Variants in PTK7 observed in about 807,000 individuals in gnomAD.
The protein encoded by PTK7 is inactive tyrosine-protein kinase 7.
Under a neutral mutation model 116.6 loss-of-function variants are expected in PTK7, and 39 were observed. The observed-to-expected ratio is 0.33, with a 90% CI of 0.26 to 0.44. PTK7 has a LOEUF of 0.44. Among genes scored for constraint, PTK7 ranks in the 20% least tolerant of loss-of-function variants. PTK7 has a pLI of 1.00. For synonymous variants in PTK7, 546 were observed against 563.6 expected (o/e 0.97, Z 0.44); for missense variants, 1,169 against 1,425.6 (o/e 0.82, Z 2.90).
intron 1 of PTK7, among the ~76,000 whole-genome samples, chr6:43,085,953 A>AAAAT (rs1554146538): frequency 6.8e-6 from 1 of 147,854 alleles, no homozygotes; most frequent in Non-Finnish European, 1.5e-5. Flanking sequence ...AAAAAAAAAA[A>AAAAT]ACATGGCTTC....
At chr6:43,081,268 G>A (rs1228845771) in intron 1 of PTK7, among the ~76,000 whole-genome samples, 1 of 152,200 alleles carries the variant, frequency 6.6e-6, no homozygotes, top group East Asian at 1.9e-4. Context: ...CTTCTGGACT[G>A]TCATTCTTGC....
chr6:43,076,940 G>A lies in PTK7; in HGVS notation c.79+373G>A. 3 of 1,515,478 alleles carry A rather than the reference G, an allele frequency of 2.0e-6. No homozygotes were observed. Among genetic ancestry groups the A allele is most frequent in the East Asian group, 5.0e-5 (2 of 39,916 alleles). 93.9% of individuals were successfully genotyped at this position (1,515,478 alleles called of 1,614,324 possible). On this transcript the variant is annotated intron_variant, in intron 1 of 19. Coordinates refer to ENST00000230419, the MANE Select transcript of PTK7 (RefSeq NM_002821.5). This position sits in a 1 kb window ranked among gnomAD's most constrained non-coding sequence, Gnocchi z 5.7. Reference sequence around the variant, plus strand: ...CATCCGCACCCACCGTGGGGAGCGCGATGGAGAAAAAGGAATTCCCCACCC... The same window carrying A: ...CATCCGCACCCACCGTGGGGAGCGCAATGGAGAAAAAGGAATTCCCCACCC...
rs1346931721 is a variant in PTK7, at chr6:43,132,889, A to C, written c.1228+202A>C. On this transcript the variant is annotated intron_variant, in intron 7 of 19. Coordinates refer to ENST00000230419, the MANE Select transcript of PTK7 (RefSeq NM_002821.5). Reference sequence around the variant, plus strand: ...TTAGGGTGGGTGCTCCAGAGGAAATAGTGACAGCCCTCACAGAAAAATGGT... The same window carrying C: ...TTAGGGTGGGTGCTCCAGAGGAAATCGTGACAGCCCTCACAGAAAAATGGT... 7 of 700,840 alleles carry C rather than the reference A, an allele frequency of 1.0e-5. No homozygotes were observed. In the African/African-American group the frequency reaches 1.2e-4, roughly 12 times the overall value. 43.4% of individuals were successfully genotyped at this position (700,840 alleles called of 1,614,324 possible). A position where few individuals can be genotyped will look rare whatever the true frequency, so the allele number is the denominator to read the frequency against.
chr6:43,117,113 C>G (rs1378886301), intron 1 of PTK7, among the ~76,000 whole-genome samples: 2 of 152,102 alleles, frequency 1.3e-5, no homozygotes, highest in African/African-American at 4.8e-5. Context: ...CAGGCGTGAG[C>G]CACCATGCCC....
chr6:43,129,897 C>T lies in PTK7; in HGVS notation c.470+68C>T, dbSNP rs967360003. On this transcript the variant is annotated intron_variant, in intron 3 of 19. Transcript: ENST00000230419. The surrounding 1 kb of genome is among the most constrained non-coding windows in gnomAD (Gnocchi z 4.5). ...CAGGGATGTCTCCCCAAATCTTGGACTCTATGCGGATGTTACCTCGCTCCA... is the reference window on the plus strand; with the variant it reads ...CAGGGATGTCTCCCCAAATCTTGGATTCTATGCGGATGTTACCTCGCTCCA... 7 of 1,454,848 alleles carry T rather than the reference C, an allele frequency of 4.8e-6. No individual in the cohort carries two copies. Among genetic ancestry groups the T allele is most frequent in the Non-Finnish European group, 5.8e-6 (6 of 1,041,948 alleles). 90.1% of individuals were successfully genotyped at this position (1,454,848 alleles called of 1,614,324 possible).
At chr6:43,110,266 A>C (rs971140050) in intron 1 of PTK7, among the ~76,000 whole-genome samples, 5 of 152,046 alleles carry the variant, frequency 3.3e-5, no homozygotes, top group African/African-American at 1.2e-4. Flanking sequence ...CTGGGATTAC[A>C]GGTGTAAGCC....
chr6:43,116,660 A>ACGCG (rs1276368902), intron 1 of PTK7, among the ~76,000 whole-genome samples: 4 of 111,164 alleles, frequency 3.6e-5, no homozygotes, highest in African/African-American at 1.3e-4. Flanking sequence ...GTGCGCGCGC[A>ACGCG]CGCACGCACG....
At position 43,130,307 on chromosome 6, in the gene PTK7, G is replaced by A. The variant is rs557347649; in HGVS notation, c.548G>A (p.Arg183Gln). 5.9e-5 allele frequency: 95 copies of A among 1,612,164 alleles called. No individual in the cohort carries two copies. Among genetic ancestry groups the A allele is most frequent in the Middle Eastern group, 1.6e-4 (1 of 6,080 alleles). ...QSNHTVSSKERNLTLRPAGPE... is the reference protein window; with the variant it reads ...QSNHTVSSKEQNLTLRPAGPE... Reference sequence around the variant, plus strand: ...AACCACACAGTCAGCAGCAAGGAGCGGAACCTGACGCTCCGGCCAGCTGGT... The same window carrying A: ...AACCACACAGTCAGCAGCAAGGAGCAGAACCTGACGCTCCGGCCAGCTGGT... Residue 183 changes from arginine to glutamine, a missense_variant, in exon 4 of 20, where the codon CGG (arginine) becomes CAG (glutamine). Arg to Gln is a conservative substitution (Grantham distance 43, BLOSUM62 1). Transcript: ENST00000230419.
rs541660995 is a variant in PTK7, at chr6:43,120,659, C to T, written c.80-8318C>T. On this transcript the variant is annotated intron_variant, in intron 1 of 19. Transcript: ENST00000230419. Reference sequence around the variant, plus strand: ...TGGGGGAGATTCTGGGGAATGGGCCCCCGTTTCTGTAACTACCTCTGTGAT... The same window carrying T: ...TGGGGGAGATTCTGGGGAATGGGCCTCCGTTTCTGTAACTACCTCTGTGAT... Among the ~76,000 whole-genome samples, 6 of 152,226 alleles carry T rather than the reference C, an allele frequency of 3.9e-5. No homozygotes were observed. The East Asian group carries it at 1.2e-3, about 29-fold the overall frequency.
rs1331163347 is a variant in PTK7, at chr6:43,159,794, C to T, written c.2880C>T (p.Tyr960=). Residue 960 remains tyrosine (Y), a synonymous_variant, in exon 19 of 20, where the codon TAC becomes TAT. Coordinates refer to ENST00000230419, the MANE Select transcript of PTK7 (RefSeq NM_002821.5). ...GGTTGCTTCTCTCCTGCAGTGAGTA[C>T]TACCACTTCCGCCAGGCCTGGGTGC... ...GLSKDVYNSE[Y]YHFRQAWVPL... 5.0e-6 allele frequency: 8 copies of T among 1,614,102 alleles called. No individual in the cohort carries two copies. Among genetic ancestry groups the T allele is most frequent in the Non-Finnish European group, 5.9e-6 (7 of 1,180,044 alleles).
intron 1 of PTK7, among the ~76,000 whole-genome samples, chr6:43,093,814 A>G (rs1306201494): frequency 6.6e-6 from 1 of 152,200 alleles, no homozygotes; most frequent in Non-Finnish European, 1.5e-5. Flanking sequence ...TGAAAATGAA[A>G]GTACACTCCA....
chr6:43,089,713 C>T (rs569769313), intron 1 of PTK7, among the ~76,000 whole-genome samples: 16 of 152,260 alleles, frequency 1.1e-4, no homozygotes, highest in Admixed American at 3.9e-4. Flanking sequence ...GGCCTCTTAC[C>T]GGAGGAGTAC....
chr6:43,112,479 C>T (rs935497676), intron 1 of PTK7, among the ~76,000 whole-genome samples: 7 of 151,904 alleles, frequency 4.6e-5, no homozygotes, highest in African/African-American at 1.2e-4. Flanking sequence ...TGCCAGGGCC[C>T]GGGTCTCACA....
At chr6:43,132,263 G>T (rs1210931257) in intron 6 of PTK7, 99 bp downstream of exon 6, 3 of 1,512,270 alleles carry the variant, frequency 2.0e-6, no homozygotes, top group Non-Finnish European at 2.7e-6. Flanking sequence ...CGCTTGGAGG[G>T]CAGGGGAAGA....
At position 43,146,717 on chromosome 6, in the gene PTK7, G is replaced by A. The variant is rs1033938689; in HGVS notation, c.2721+19G>A. ...GCAGAAGGTGAGGACAGGGAGTGAA[G>A]GAGGGAGGGAGAGGGTGCCCAGGGG... On this transcript the variant is annotated intron_variant, in intron 17 of 19. Coordinates refer to ENST00000230419, the MANE Select transcript of PTK7 (RefSeq NM_002821.5). The A allele has an allele frequency of 1.2e-6, 2 of 1,607,700 alleles. No homozygotes were observed. The highest frequency in any genetic ancestry group is 1.7e-5 in the Admixed American group (1 of 59,982).
Position 43,143,212 on chromosome 6 carries a change from C to G in PTK7, c.2048-205C>G, listed in dbSNP as rs766762294. On this transcript the variant is annotated intron_variant, in intron 13 of 19. Transcript: ENST00000230419. The surrounding 1 kb of genome is among the most constrained non-coding windows in gnomAD (Gnocchi z 4.2). Reference sequence around the variant, plus strand: ...TTCCGATGCAAAGCCAGCTTGGGAACCCCTGGCCTCATCTCCTTCAGAGTC... The same window carrying G: ...TTCCGATGCAAAGCCAGCTTGGGAAGCCCTGGCCTCATCTCCTTCAGAGTC... The G allele has an allele frequency of 3.4e-5, 19 of 561,820 alleles. No individual in the cohort carries two copies. Among genetic ancestry groups the G allele is most frequent in the Non-Finnish European group, 5.7e-5 (18 of 317,470 alleles). The allele number at this position is 561,820 out of a possible 1,614,324, so 34.8% of individuals were successfully genotyped here. A position where few individuals can be genotyped will look rare whatever the true frequency, so the allele number is the denominator to read the frequency against.
At chr6:43,107,504 TG>T (rs1464147368) in intron 1 of PTK7, among the ~76,000 whole-genome samples, 1 of 152,214 alleles carries the variant, frequency 6.6e-6, no homozygotes, top group East Asian at 1.9e-4. Context: ...CAAGTTAATA[TG>T]GTTAAATGTT....
At chr6:43,160,598 G>A (rs1771791695) in intron 19 of PTK7, 123 bp from the exon 20 acceptor site, 10 of 1,268,808 alleles carry the variant, frequency 7.9e-6, no homozygotes, top group Admixed American at 2.1e-5. Context: ...CCCACCTGCC[G>A]CTGGCCAGCA....
intron 1 of PTK7, among the ~76,000 whole-genome samples, chr6:43,116,145 C>T (rs1002271453): frequency 2.0e-5 from 3 of 152,046 alleles, no homozygotes; most frequent in Non-Finnish European, 4.4e-5. Flanking sequence ...GGAGCAACCC[C>T]CTTGTAAGAC....
Sources: allele counts gnomAD v4.1 joint callset (sites outside exome capture counted in the v4.1 genomes callset), GRCh38; gene constraint gnomAD v4.1.1; non-coding constraint Gnocchi (gnomAD v3.1); transcripts MANE v1.5; gene names NCBI Gene and HGNC (gene_info 2026-07-23, HGNC 2026-07-21).